The following FMN2 variants were observed in gnomAD, a reference collection of about 807,000 sequenced individuals.
FMN2 encodes formin 2.
FMN2 carries 51 observed loss-of-function variants against 142.3 expected under a neutral mutation model. The ratio of observed to expected loss-of-function variants is 0.36; its 90% confidence interval spans 0.29 to 0.45. The LOEUF is 0.45. FMN2 is among the 20% of genes least tolerant of loss of function. The pLI, the probability that FMN2 is intolerant of heterozygous loss-of-function variation, is 1.00. For synonymous variants in FMN2, 882 were observed against 869.8 expected, an observed-to-expected ratio of 1.01 and a Z score of -0.25; for missense variants, 1,936 against 2,122.8, an observed-to-expected ratio of 0.91 and a Z score of 1.73.
At position 240,294,726 on chromosome 1, in the gene FMN2, C is replaced by T. The variant is rs1162710729; in HGVS notation, c.4154-96C>T. ...ACATTGAAGTTAAAGCCCCTGCTCC[C>T]TCTGGCTGCTGAGCCGTGAGCCTGC... On this transcript the variant is annotated intron_variant, in intron 7 of 17. Coordinates refer to ENST00000319653, the MANE Select transcript of FMN2 (RefSeq NM_020066.5). 6.4e-6 allele frequency: 7 copies of T among 1,094,530 alleles called. No individual in the cohort carries two copies. In the East Asian group the frequency reaches 1.7e-4, roughly 26 times the overall value. The allele number at this position is 1,094,530 out of a possible 1,614,324, so 67.8% of individuals were successfully genotyped here. A position where few individuals can be genotyped will look rare whatever the true frequency, so the allele number is the denominator to read the frequency against.
chr1:240,167,122 AAACAAC>A (rs894962370), intron 2 of FMN2, among the ~76,000 whole-genome samples: 223 of 152,288 alleles, frequency 1.5e-3, no homozygotes, highest in Non-Finnish European at 8.5e-4. Context: ...ACTCCATCTC[AAACAAC>A]AACAATAACA....
At chr1:240,357,698 C>T (rs1298746620) in intron 14 of FMN2, among the ~76,000 whole-genome samples, 1 of 151,338 alleles carries the variant, frequency 6.6e-6, no homozygotes, top group Non-Finnish European at 1.5e-5. Flanking sequence ...ACCTCCACCT[C>T]CCAGGTTCAA....
intron 7 of FMN2, among the ~76,000 whole-genome samples, chr1:240,258,285 T>C: frequency 6.6e-6 from 1 of 152,204 alleles, no homozygotes; most frequent in East Asian, 1.9e-4. Flanking sequence ...TTCAGGCTAC[T>C]ATAACCAAGT....
intron 14 of FMN2, among the ~76,000 whole-genome samples, chr1:240,360,155 C>G (rs532778575): frequency 6.6e-6 from 1 of 152,196 alleles, no homozygotes; most frequent in African/African-American, 2.4e-5. Flanking sequence ...ATTTCCCTTG[C>G]AAATTTAGCT....
chr1:240,132,793 T>C (rs1297749760), intron 2 of FMN2, among the ~76,000 whole-genome samples: 1 of 152,090 alleles, frequency 6.6e-6, no homozygotes, highest in East Asian at 1.9e-4. Context: ...GGTCGCGGTA[T>C]GAGGGAGGAT....
chr1:240,105,361 G>A (rs1376285522), intron 1 of FMN2, among the ~76,000 whole-genome samples: 4 of 151,880 alleles, frequency 2.6e-5, no homozygotes, highest in African/African-American at 4.8e-5. Flanking sequence ...CACTCACCTC[G>A]GCCTCCCAGA....
chr1:240,153,961 C>T (rs1299162832), intron 2 of FMN2, among the ~76,000 whole-genome samples: 1 of 151,680 alleles, frequency 6.6e-6, no homozygotes, highest in Non-Finnish European at 1.5e-5. Flanking sequence ...ACTGAAAATA[C>T]AAAAATCAGC....
intron 11 of FMN2, among the ~76,000 whole-genome samples, chr1:240,331,474 A>G (rs911930515): frequency 4.6e-5 from 7 of 152,196 alleles, no homozygotes; most frequent in Non-Finnish European, 7.3e-5. Context: ...TAAAAAAATC[A>G]TCACACAAAA....
At chr1:240,331,827 G>A (rs911878362) in intron 11 of FMN2, among the ~76,000 whole-genome samples, 8 of 152,020 alleles carry the variant, frequency 5.3e-5, no homozygotes, top group African/African-American at 1.9e-4. Flanking sequence ...GCCTACAGTT[G>A]GGCAAATCAT....
chr1:240,206,464 A>C (rs1666355679), intron 4 of FMN2, among the ~76,000 whole-genome samples: 1 of 152,158 alleles, frequency 6.6e-6, no homozygotes. Context: ...CCTAAAAACC[A>C]GTGTTCCTAG....
chr1:240,113,400 C>T (rs1472649335), intron 1 of FMN2, among the ~76,000 whole-genome samples: 1 of 151,788 alleles, frequency 6.6e-6, no homozygotes, highest in Non-Finnish European at 1.5e-5. Context: ...CCCATCTCTA[C>T]TAAAAATACA....
At chr1:240,329,029 T>G (rs1265182183) in intron 8 of FMN2, 47 bp from the exon 9 acceptor site, 1 of 1,506,862 alleles carries the variant, frequency 6.6e-7, no homozygotes, top group Admixed American at 1.7e-5. Flanking sequence ...ATCTAAGGGA[T>G]TCAGTTGGCC....
rs531418797 is a variant in FMN2 at position 240,254,145 on chromosome 1, T to C, written c.4066-3800T>C. Among the ~76,000 whole-genome samples the C allele has an allele frequency of 5.3e-5, 8 of 152,220 alleles. No homozygotes were observed. The South Asian group carries it at 1.0e-3, about 20-fold the overall frequency. ...TGGGCTGGGTGGCTGGGAGGGTCCTTAGGCTCCTAGGCAGTGGGCATCGTG... is the reference window on the plus strand; with the variant it reads ...TGGGCTGGGTGGCTGGGAGGGTCCTCAGGCTCCTAGGCAGTGGGCATCGTG... On this transcript the variant is annotated intron_variant, in intron 6 of 17. Coordinates refer to ENST00000319653, the MANE Select transcript of FMN2 (RefSeq NM_020066.5).
chr1:240,234,303 C>T (rs1441893491), intron 6 of FMN2, among the ~76,000 whole-genome samples: 4 of 152,060 alleles, frequency 2.6e-5, no homozygotes. Context: ...TTCCCGATGA[C>T]CCCTGAAAAG....
intron 15 of FMN2, among the ~76,000 whole-genome samples, chr1:240,395,616 A>G (rs942482256): frequency 1.3e-5 from 2 of 152,222 alleles, no homozygotes; most frequent in Non-Finnish European, 2.9e-5. Flanking sequence ...ATTCCAAGAC[A>G]TCAGTGGAGA....
chr1:240,367,204 A>G (rs1672701515), intron 14 of FMN2, among the ~76,000 whole-genome samples: 1 of 152,118 alleles, frequency 6.6e-6, no homozygotes, highest in Non-Finnish European at 1.5e-5. Flanking sequence ...GTGTTTTCAC[A>G]CATTTATAGT....
intron 14 of FMN2, among the ~76,000 whole-genome samples, chr1:240,382,754 A>G (rs1214663279): frequency 4.6e-5 from 7 of 152,194 alleles, no homozygotes; most frequent in Non-Finnish European, 1.0e-4. Context: ...TTTTTCACAG[A>G]AAAAACAATC....
chr1:240,262,729 T>A (rs1668671228), intron 7 of FMN2, among the ~76,000 whole-genome samples: 1 of 151,360 alleles, frequency 6.6e-6, no homozygotes, highest in Non-Finnish European at 1.5e-5. Flanking sequence ...TAATATTGCC[T>A]GGATAACAAA....
chr1:240,360,600 C>T (rs780118376), intron 14 of FMN2, among the ~76,000 whole-genome samples: 9 of 152,008 alleles, frequency 5.9e-5, no homozygotes, highest in South Asian at 2.1e-4. Flanking sequence ...ACACCTATGG[C>T]GAGGACAAGT....
Sources: allele counts gnomAD v4.1 joint callset (sites outside exome capture counted in the v4.1 genomes callset), GRCh38; gene constraint gnomAD v4.1.1; transcripts MANE v1.5; gene names NCBI Gene and HGNC (gene_info 2026-07-23, HGNC 2026-07-21).